Variants in ADAM2 observed in about 807,000 individuals in gnomAD.
The protein encoded by ADAM2 is ADAM metallopeptidase domain 2, also known as disintegrin and metalloproteinase domain-containing protein 2.
ADAM2 carries 101 observed loss-of-function variants against 99.3 expected under a neutral mutation model. The ratio of observed to expected loss-of-function variants is 1.02; its 90% confidence interval spans 0.87 to 1.20. The LOEUF is 1.20. Ranked by LOEUF, ADAM2 falls within the 50% of genes most tolerant of loss-of-function variation. The probability of loss-of-function intolerance (pLI) is 0.00; values close to 1 mark genes in which losing one functional copy is unlikely to be tolerated. For synonymous variants in ADAM2, 323 were observed against 287.6 expected, an observed-to-expected ratio of 1.12 and a Z score of -1.25; for missense variants, 948 against 878.7, an observed-to-expected ratio of 1.08 and a Z score of -1.00.
chr8:39,802,145 G>A (rs1031939602), intron 7 of ADAM2, among the ~76,000 whole-genome samples: 1 of 152,214 alleles, frequency 6.6e-6, no homozygotes, highest in African/African-American at 2.4e-5. Context: ...TGGGATCCAT[G>A]GGTTTCACAG....
chr8:39,779,445 A>T (rs1479881792), intron 10 of ADAM2, among the ~76,000 whole-genome samples: 2 of 152,134 alleles, frequency 1.3e-5, no homozygotes, highest in East Asian at 3.9e-4. Flanking sequence ...TTGGAGGTTA[A>T]GGCTTCAACA....
At chr8:39,746,827 TA>T (rs1470539122) in intron 18 of ADAM2, among the ~76,000 whole-genome samples, 196 bp from the exon 19 acceptor site, 16 of 152,186 alleles carry the variant, frequency 1.1e-4, no homozygotes, top group African/African-American at 3.1e-4. Flanking sequence ...TTAAAATGGA[TA>T]GCTATATATG....
chr8:39,753,386 G>C (rs948643297), intron 16 of ADAM2, among the ~76,000 whole-genome samples: 1 of 151,148 alleles, frequency 6.6e-6, no homozygotes, highest in African/African-American at 2.4e-5. Context: ...AGGAAGCAAA[G>C]CATAAAAGTT....
chr8:39,809,137 T>C (rs1804583999), intron 7 of ADAM2, among the ~76,000 whole-genome samples: 1 of 152,188 alleles, frequency 6.6e-6, no homozygotes, highest in African/African-American at 2.4e-5. Context: ...TCAGTATAGT[T>C]CTAGAATACA....
chr8:39,794,751 G>C (rs1803868360), intron 7 of ADAM2, among the ~76,000 whole-genome samples: 1 of 151,958 alleles, frequency 6.6e-6, no homozygotes, highest in African/African-American at 2.4e-5. Context: ...CCTTAGAGTT[G>C]TGAGCCCTTA....
At chr8:39,752,647 C>T (rs1341442623) in intron 16 of ADAM2, among the ~76,000 whole-genome samples, 4 of 152,046 alleles carry the variant, frequency 2.6e-5, no homozygotes, top group African/African-American at 7.2e-5. Context: ...CAAAAGATTA[C>T]GGTGGAGATG....
intron 16 of ADAM2, among the ~76,000 whole-genome samples, chr8:39,754,675 G>A (rs1333073732): frequency 6.6e-6 from 1 of 152,136 alleles, no homozygotes; most frequent in South Asian, 2.1e-4. Flanking sequence ...TATTAGTAAA[G>A]TTAGCATAGT....
At chr8:39,744,778 G>C in intron 20 of ADAM2, 52 bp downstream of exon 20, 1 of 1,215,140 alleles carries the variant, frequency 8.2e-7, no homozygotes, top group Non-Finnish European at 1.2e-6. Context: ...TTCTGCACCT[G>C]TGTCCCAGTA....
chr8:39,790,710 G>T (rs1398556269), intron 7 of ADAM2, among the ~76,000 whole-genome samples: 1 of 151,756 alleles, frequency 6.6e-6, no homozygotes, highest in African/African-American at 2.4e-5. Context: ...TTTCAATAAA[G>T]ATTTTTAAAA....
At chr8:39,813,049 C>A (rs1429940172) in intron 6 of ADAM2, among the ~76,000 whole-genome samples, 1 of 152,092 alleles carries the variant, frequency 6.6e-6, no homozygotes, top group East Asian at 1.9e-4. Context: ...CCAGAATCTA[C>A]AAAGAACTTA....
chr8:39,776,131 C>A (rs2129584604), intron 11 of ADAM2, among the ~76,000 whole-genome samples: 1 of 152,236 alleles, frequency 6.6e-6, no homozygotes, highest in South Asian at 2.1e-4. Context: ...TGCTGCAGTG[C>A]ACTTTTCACA....
At chr8:39,833,913 G>C (rs200690238) in intron 3 of ADAM2, 31 bp downstream of exon 3, 2 of 1,164,678 alleles carry the variant, frequency 1.7e-6, no homozygotes, top group African/African-American at 1.5e-5. Context: ...GTAGAACAAA[G>C]AGAATTGATA....
At chr8:39,823,076 T>C (rs1003446736) in intron 4 of ADAM2, among the ~76,000 whole-genome samples, 2 of 152,170 alleles carry the variant, frequency 1.3e-5, no homozygotes, top group Admixed American at 6.5e-5. Flanking sequence ...CTGAGGTCTG[T>C]TTTTATGTGC....
intron 14 of ADAM2, among the ~76,000 whole-genome samples, chr8:39,764,936 T>A (rs1294120161): frequency 6.6e-6 from 1 of 151,752 alleles, no homozygotes; most frequent in African/African-American, 2.4e-5. Context: ...GGCAGGAGAA[T>A]CACTGGAACA....
At chr8:39,777,225 A>G in intron 10 of ADAM2, 64 bp from the exon 11 acceptor site, 1 of 1,330,462 alleles carries the variant, frequency 7.5e-7, no homozygotes, top group Non-Finnish European at 1.1e-6. Flanking sequence ...AGAACAATGC[A>G]ATTATTAAAG....
intron 6 of ADAM2, among the ~76,000 whole-genome samples, chr8:39,816,229 G>A (rs1489859331): frequency 6.6e-6 from 1 of 152,096 alleles, no homozygotes; most frequent in Non-Finnish European, 1.5e-5. Context: ...CCCGGGAGGT[G>A]GAGGTTGCAG....
intron 7 of ADAM2, among the ~76,000 whole-genome samples, chr8:39,806,040 T>C (rs1005261319): frequency 6.6e-6 from 1 of 152,112 alleles, no homozygotes; most frequent in Admixed American, 6.6e-5. Flanking sequence ...GCTGACTCAC[T>C]AGTAGAGGAG....
intron 7 of ADAM2, among the ~76,000 whole-genome samples, chr8:39,801,934 T>C (rs971521212): frequency 6.6e-6 from 1 of 151,950 alleles, no homozygotes; most frequent in African/African-American, 2.4e-5. Flanking sequence ...CCAGGGAGCT[T>C]AGGCAGTTGC....
intron 2 of ADAM2, among the ~76,000 whole-genome samples, chr8:39,834,732 C>CAAAAAAAAAAAA (rs79431764): frequency 1.9e-5 from 1 of 52,932 alleles, no homozygotes; most frequent in African/African-American, 8.5e-5. Flanking sequence ...AAGACTCCAT[C>CAAAAAAAAAAAA]AAAAAAAAAA....
Sources: gnomAD v4.1 joint callset for allele counts (sites outside exome capture counted in the v4.1 genomes callset) on GRCh38, gnomAD v4.1.1 for gene constraint, MANE v1.5 for transcripts, NCBI Gene and HGNC (gene_info 2026-07-23, HGNC 2026-07-21) for gene names.